DNM3: variants seen among roughly 807,000 people sequenced by gnomAD.
DNM3 encodes the protein dynamin 3.
In DNM3, 47 loss-of-function variants were observed where a neutral mutation model predicts 101.6. The observed-to-expected ratio is 0.46, with a 90% CI of 0.37 to 0.59. The LOEUF is 0.59. Ranked by LOEUF, DNM3 falls within the 20% of genes least tolerant of loss-of-function variation. The pLI, the probability that DNM3 is intolerant of heterozygous loss-of-function variation, is 0.00. For synonymous variants in DNM3, 385 were observed against 387.9 expected, an observed-to-expected ratio of 0.99 and a Z score of 0.09; for missense variants, 849 against 1,085.7, an observed-to-expected ratio of 0.78 and a Z score of 3.06.
intron 10 of DNM3, among the ~76,000 whole-genome samples, chr1:172,062,209 G>A (rs2051288252): frequency 6.6e-6 from 1 of 152,050 alleles, no homozygotes; most frequent in Admixed American, 6.6e-5. Flanking sequence ...TCATTAATAT[G>A]TCTACCAGAG....
chr1:172,166,953 A>C (rs1253780064), intron 14 of DNM3, among the ~76,000 whole-genome samples: 2 of 151,650 alleles, frequency 1.3e-5, no homozygotes, highest in African/African-American at 2.4e-5. Flanking sequence ...AAGTTCTAGG[A>C]TACATGTGCA....
intron 20 of DNM3, among the ~76,000 whole-genome samples, chr1:172,389,389 T>C (rs2069390215): frequency 6.6e-6 from 1 of 151,538 alleles, no homozygotes; most frequent in Non-Finnish European, 1.5e-5. Context: ...TAATCATATA[T>C]AAGATAGATC....
intron 15 of DNM3, among the ~76,000 whole-genome samples, chr1:172,294,997 A>C (rs896548726): frequency 1.3e-4 from 20 of 152,190 alleles, no homozygotes; most frequent in African/African-American, 4.6e-4. Flanking sequence ...CCCAAAAGTC[A>C]TACACAACAA....
intron 15 of DNM3, among the ~76,000 whole-genome samples, chr1:172,259,432 G>A (rs2062553486): frequency 6.6e-6 from 1 of 151,918 alleles, no homozygotes; most frequent in South Asian, 2.1e-4. Context: ...TCTGGTGTTG[G>A]GAGCACACAT....
intron 13 of DNM3, among the ~76,000 whole-genome samples, chr1:172,113,233 T>C (rs1237652972): frequency 1.3e-5 from 2 of 152,192 alleles, no homozygotes; most frequent in East Asian, 3.8e-4. Context: ...AAATTTTATC[T>C]TGGTAACGTT....
At chr1:171,894,999 C>T (rs968225861) in intron 1 of DNM3, among the ~76,000 whole-genome samples, 4 of 152,140 alleles carry the variant, frequency 2.6e-5, no homozygotes, top group South Asian at 2.1e-4. Flanking sequence ...AGTATTCCAT[C>T]GTGTATATGT....
chr1:171,844,709 T>C (rs188013546), intron 1 of DNM3, among the ~76,000 whole-genome samples: 48 of 152,314 alleles, frequency 3.2e-4, no homozygotes, highest in African/African-American at 1.1e-3. Context: ...CTTTTGGTGG[T>C]GCAGGATGAG....
At chr1:172,227,105 T>C (rs2061153401) in intron 14 of DNM3, among the ~76,000 whole-genome samples, 1 of 151,706 alleles carries the variant, frequency 6.6e-6, no homozygotes, top group Admixed American at 6.6e-5. Flanking sequence ...CCACTTTGTA[T>C]GTCCTTGCAT....
chr1:172,110,221 A>G lies in DNM3; in HGVS notation c.1545+17346A>G, dbSNP rs372832943. ...GGCTCTTTCTCTGTTCTTCTTTTCC[A>G]TTATTGCCAAAACATCATTTCATTT... On this transcript the variant is annotated intron_variant, in intron 13 of 20. Coordinates refer to ENST00000627582, the MANE Select transcript of DNM3 (RefSeq NM_015569.5). 9.2e-5 allele frequency among the ~76,000 whole-genome samples: 14 copies of G among 152,038 alleles called. No individual in the cohort carries two copies. The East Asian group carries it at 1.7e-3, about 19-fold the overall frequency.
At chr1:172,371,819 G>A (rs376548968) in intron 17 of DNM3, among the ~76,000 whole-genome samples, 9 of 150,798 alleles carry the variant, frequency 6.0e-5, no homozygotes, top group Middle Eastern at 3.4e-3. Context: ...TTCTGTCTAA[G>A]TCAGGCAGAT....
chr1:171,987,251 G>T, intron 2 of DNM3: 1 of 966,824 alleles, frequency 1.0e-6, no homozygotes, highest in Non-Finnish European at 1.2e-6. Flanking sequence ...ATATAACTTG[G>T]CATTCCATCC....
chr1:172,252,878 G>A (rs1053680948), intron 14 of DNM3, among the ~76,000 whole-genome samples: 9 of 152,204 alleles, frequency 5.9e-5, no homozygotes, highest in African/African-American at 2.2e-4. Flanking sequence ...TATTTTGAAA[G>A]AGAGTTTGTT....
chr1:171,901,562 A>G (rs912318258), intron 1 of DNM3, among the ~76,000 whole-genome samples: 2 of 152,170 alleles, frequency 1.3e-5, no homozygotes, highest in African/African-American at 4.8e-5. Flanking sequence ...TATGCTGATA[A>G]CGAAGGAGGG....
chr1:172,148,471 T>A (rs552351370), intron 14 of DNM3, among the ~76,000 whole-genome samples: 2 of 152,264 alleles, frequency 1.3e-5, no homozygotes, highest in Non-Finnish European at 2.9e-5. Flanking sequence ...GTGCTTTTAA[T>A]ATTTATATAT....
rs755303921 is a variant in DNM3, at chr1:172,033,066, A to G, written c.689-39A>G. 17 of 1,598,336 alleles carry G rather than the reference A, an allele frequency of 1.1e-5. No individual in the cohort carries two copies. The Admixed American group carries it at 3.0e-4, about 28-fold the overall frequency. ...GAAATCTCCCTAGAATAAGCCACAA[A>G]AAGTGTCCCCAACTCCATAGATTTG... On this transcript the variant is annotated intron_variant, in intron 5 of 20. Coordinates refer to ENST00000627582, the MANE Select transcript of DNM3 (RefSeq NM_015569.5).
chr1:172,135,181 A>G (rs940572396), intron 14 of DNM3, among the ~76,000 whole-genome samples: 1 of 152,172 alleles, frequency 6.6e-6, no homozygotes, highest in Non-Finnish European at 1.5e-5. Flanking sequence ...GAAAATTGAC[A>G]TGAACAACTC....
chr1:172,016,028 A>AG (rs1260798569), intron 4 of DNM3, among the ~76,000 whole-genome samples: 1 of 151,646 alleles, frequency 6.6e-6, no homozygotes, highest in Non-Finnish European at 1.5e-5. Flanking sequence ...TTACAAAAAA[A>AG]AAAAAAAAAT....
chr1:172,263,531 C>A (rs150513008), intron 15 of DNM3, among the ~76,000 whole-genome samples: 2 of 152,162 alleles, frequency 1.3e-5, no homozygotes, highest in Non-Finnish European at 2.9e-5. Context: ...TTCATGGACT[C>A]ATAGTTCCAC....
At chr1:172,389,937 G>T (rs2149083742) in intron 20 of DNM3, among the ~76,000 whole-genome samples, 1 of 152,250 alleles carries the variant, frequency 6.6e-6, no homozygotes, top group Non-Finnish European at 1.5e-5. Context: ...TGAAGGTCTT[G>T]GGCAACTCAT....
Sources: gnomAD v4.1 joint callset for allele counts (sites outside exome capture counted in the v4.1 genomes callset) on GRCh38, gnomAD v4.1.1 for gene constraint, MANE v1.5 for transcripts, NCBI Gene and HGNC (gene_info 2026-07-23, HGNC 2026-07-21) for gene names.